DEF8: variants seen among roughly 807,000 people sequenced by gnomAD.
DEF8 encodes the protein DEF-8.
DEF8 carries 38 observed loss-of-function variants against 59.1 expected under a neutral mutation model. That is an observed-to-expected ratio of 0.64 (90% CI 0.50 to 0.84). The LOEUF is 0.84. Ranked by LOEUF, DEF8 falls within the 40% of genes least tolerant of loss-of-function variation. The pLI is 0.00. For missense variants in DEF8, 557 were observed against 615.2 expected (o/e 0.91, Z 1.00); for synonymous variants, 265 against 250.1 (o/e 1.06, Z -0.56).
chr16:89,959,431 A>C (rs924278350), intron 6 of DEF8: 2 of 1,103,744 alleles, frequency 1.8e-6, no homozygotes, highest in African/African-American at 3.2e-5. Flanking sequence ...GGGTGGAGTG[A>C]ATGTGACTTT....
chr16:89,955,341 A>T, intron 4 of DEF8, 75 bp downstream of exon 4: 1 of 1,267,114 alleles, frequency 7.9e-7, no homozygotes, highest in South Asian at 1.2e-5. Context: ...TTTCCTTGTC[A>T]CTCCCTCCCA....
chr16:89,959,448 G>T (rs1332529593), intron 6 of DEF8: 30 of 877,746 alleles, frequency 3.4e-5, no homozygotes, highest in Non-Finnish European at 4.8e-5. Flanking sequence ...CTTTAGGGCA[G>T]AATGTAAAGG....
chr16:89,951,309 T>C (rs972898466), intron 2 of DEF8, among the ~76,000 whole-genome samples: 1 of 151,750 alleles, frequency 6.6e-6, no homozygotes, highest in Non-Finnish European at 1.5e-5. Flanking sequence ...CAAGCTGGAG[T>C]GCAGTGGCTC....
intron 5 of DEF8, chr16:89,957,882 A>G (rs549278655): frequency 2.3e-5 from 11 of 469,240 alleles, no homozygotes; most frequent in African/African-American, 1.2e-4. Flanking sequence ...TGCAAGGAAC[A>G]GAAACTCAAC....
chr16:89,959,464 C>A, intron 6 of DEF8: 1 of 746,908 alleles, frequency 1.3e-6, no homozygotes, highest in Non-Finnish European at 1.9e-6. Context: ...AAAGGCATCA[C>A]GTGACTTTGT....
rs2034627582 is a variant in DEF8, at chr16:89,966,791, A to G, written c.*828A>G. The G allele has an allele frequency of 6.5e-6, 1 of 153,526 alleles. No individual in the cohort carries two copies. The highest frequency in any genetic ancestry group is 2.4e-5 in the African/African-American group (1 of 41,456). 9.5% of individuals were successfully genotyped at this position (153,526 alleles called of 1,614,324 possible). Reference sequence around the variant, plus strand: ...GGGGCTGTGTGCTGGGGGAGGTTCCAGTTAGGCGATGGGATCCTGCAGTGG... The same window carrying G: ...GGGGCTGTGTGCTGGGGGAGGTTCCGGTTAGGCGATGGGATCCTGCAGTGG... On this transcript the variant is annotated 3_prime_UTR_variant, in exon 13 of 13. Transcript: ENST00000563594.
rs1236542354 is a variant in DEF8 at position 89,964,259 on chromosome 16, G to A, written c.1092G>A (p.Ser364=). The A allele has an allele frequency of 2.0e-6, 3 of 1,499,296 alleles. No individual in the cohort carries two copies. The highest frequency in any genetic ancestry group is 1.8e-6 in the Non-Finnish European group (2 of 1,122,090). The allele number at this position is 1,499,296 out of a possible 1,614,324, so 92.9% of individuals were successfully genotyped here. A position where few individuals can be genotyped will look rare whatever the true frequency, so the allele number is the denominator to read the frequency against. The change falls in exon 11 of 13, where the codon TCG becomes TCA. Residue 364 remains serine (S), a synonymous_variant. Coordinates refer to ENST00000563594, the MANE Select transcript of DEF8 (RefSeq NM_001242818.2). ...LDVHAGRLGC[S]LTEIHTLFAK... ...TGCATGCCGGCCGCCTGGGCTGCTC[G>A]CTCACCGAGATCCACACGCTCTTCG... is the stretch of plus-strand genomic sequence containing the variant.
chr16:89,963,582 A>G, intron 10 of DEF8, 139 bp downstream of exon 10: 1 of 646,162 alleles, frequency 1.5e-6, no homozygotes, highest in South Asian at 1.9e-5. Context: ...CCCAAGGAAC[A>G]AAGCAAACAG....
Position 89,962,140 on chromosome 16 carries a change from A to G in DEF8, c.921+15A>G, listed in dbSNP as rs2034105495. The G allele has an allele frequency of 5.6e-6, 9 of 1,606,824 alleles. No individual in the cohort carries two copies. The highest frequency in any genetic ancestry group is 1.1e-5 in the South Asian group (1 of 90,764). The stretch of plus-strand genomic sequence containing the variant: ...TGGAGATTCGCGTGAGGCTGGGGCC[A>G]TGGAAGTGGGGGGCGGGGGCGCTGT... On this transcript the variant is annotated intron_variant, in intron 9 of 12. Coordinates refer to ENST00000563594, the MANE Select transcript of DEF8 (RefSeq NM_001242818.2).
rs142263585 is a variant in DEF8 at position 89,955,111 on chromosome 16, G to C, written c.125-58G>C. ...CCTGGCTATCTCAGCTCCTCCCTAG[G>C]GGATGGGAGGCAGGAGGTAGCAGCT... On this transcript the variant is annotated intron_variant, in intron 3 of 12. Coordinates refer to ENST00000563594, the MANE Select transcript of DEF8 (RefSeq NM_001242818.2). 1.4e-3 allele frequency: 1,900 copies of C among 1,357,242 alleles called. 30 individuals are homozygous for C. In the African/African-American group the frequency reaches 0.025, roughly 18 times the overall value. 84.1% of individuals were successfully genotyped at this position (1,357,242 alleles called of 1,614,324 possible). A position where few individuals can be genotyped will look rare whatever the true frequency, so the allele number is the denominator to read the frequency against.
chr16:89,954,750 C>A lies in DEF8; in HGVS notation c.124+374C>A, dbSNP rs1396046309. 1.3e-5 allele frequency among the ~76,000 whole-genome samples: 2 copies of A among 152,176 alleles called. No homozygotes were observed. Among genetic ancestry groups the A allele is most frequent in the African/African-American group, 4.8e-5 (2 of 41,422 alleles). ...GAGCTTTAGAAACTGCAGATGAGGT[C>A]ATCAGGGAGTGCTTGGAGCGGGGCA... On this transcript the variant is annotated intron_variant, in intron 3 of 12. Transcript: ENST00000563594. The surrounding 1 kb of genome is among the most constrained non-coding windows in gnomAD (Gnocchi z 4.3).
In DEF8 at chr16:89,954,788, G is replaced by A. The variant is rs2032848342; in HGVS notation, c.125-381G>A. Among the ~76,000 whole-genome samples, 1 of 152,174 alleles carries A rather than the reference G, an allele frequency of 6.6e-6. No homozygotes were observed. The highest frequency in any genetic ancestry group is 2.4e-5 in the African/African-American group (1 of 41,434). On this transcript the variant is annotated intron_variant, in intron 3 of 12. Coordinates refer to ENST00000563594, the MANE Select transcript of DEF8 (RefSeq NM_001242818.2). This position sits in a 1 kb window ranked among gnomAD's most constrained non-coding sequence, Gnocchi z 4.3. Reference sequence around the variant, plus strand: ...TTGGAGCGGGGCAGCTGCAGAGACGGCCTGGAGTCGACACTGGGGTTCGTG... The same window carrying A: ...TTGGAGCGGGGCAGCTGCAGAGACGACCTGGAGTCGACACTGGGGTTCGTG...
At chr16:89,964,931 T>C (rs142424290) in intron 12 of DEF8, among the ~76,000 whole-genome samples, 414 of 152,332 alleles carry the variant, frequency 2.7e-3, no homozygotes, top group Non-Finnish European at 4.1e-3. Context: ...TCAGGGTTAG[T>C]ATAGGCTAGA....
At chr16:89,953,998 G>A (rs546848900) in intron 2 of DEF8, among the ~76,000 whole-genome samples, 4 of 152,314 alleles carry the variant, frequency 2.6e-5, no homozygotes, top group African/African-American at 4.8e-5. Flanking sequence ...ACGTGCCCTC[G>A]TGGGACCCTC....
chr16:89,962,639 AG>A (rs1483894813), intron 9 of DEF8, among the ~76,000 whole-genome samples: 1 of 152,228 alleles, frequency 6.6e-6, no homozygotes, highest in African/African-American at 2.4e-5. Context: ...CTGGGCAACA[AG>A]AGCGAAACTC....
At chr16:89,962,514 G>A (rs1267302027) in intron 9 of DEF8, among the ~76,000 whole-genome samples, 4 of 152,014 alleles carry the variant, frequency 2.6e-5, no homozygotes, top group Non-Finnish European at 5.9e-5. Flanking sequence ...AAAATTGGCC[G>A]GGCATGGTGG....
chr16:89,957,245 G>A (rs1390722323), intron 4 of DEF8: 1 of 334,514 alleles, frequency 3.0e-6, no homozygotes, highest in Non-Finnish European at 5.5e-6. Context: ...GAAGGAAGTT[G>A]TCTTTTGAAA....
In DEF8 at chr16:89,963,112, GA is replaced by G. The variant is rs751019110; in HGVS notation, c.922-250del. On this transcript the variant is annotated intron_variant, in intron 9 of 12. Transcript: ENST00000563594. ...TTGGTCCTGAGGCTGCTGGTTCCTAGACAGTTGTGTGCCTGTGGGGCCGGGT... is the reference window on the plus strand; with the variant it reads ...TTGGTCCTGAGGCTGCTGGTTCCTAGCAGTTGTGTGCCTGTGGGGCCGGGT... Among the ~76,000 whole-genome samples the G allele has an allele frequency of 6.4e-4, 97 of 152,380 alleles. 1 individual carries two copies. Among genetic ancestry groups the G allele is most frequent in the Non-Finnish European group, 1.1e-3 (75 of 68,032 alleles).
chr16:89,955,735 C>G (rs1374770291), intron 4 of DEF8, among the ~76,000 whole-genome samples: 1 of 152,096 alleles, frequency 6.6e-6, no homozygotes, highest in Non-Finnish European at 1.5e-5. Context: ...TCCATGGAAG[C>G]CTTGTGTTGA....
Sources: allele counts gnomAD v4.1 joint callset (sites outside exome capture counted in the v4.1 genomes callset), GRCh38; gene constraint gnomAD v4.1.1; non-coding constraint Gnocchi (gnomAD v3.1); transcripts MANE v1.5; gene names NCBI Gene and HGNC (gene_info 2026-07-23, HGNC 2026-07-21).